The following CBLB variants were observed in gnomAD, a reference collection of about 807,000 sequenced individuals.
The protein encoded by CBLB is Cbl proto-oncogene B.
In CBLB, 31 loss-of-function variants were observed where a neutral mutation model predicts 104.9. The observed-to-expected ratio is 0.30, with a 90% confidence interval of 0.22 to 0.40. CBLB has a LOEUF of 0.40. CBLB is among the 10% of genes least tolerant of loss of function. CBLB has a pLI of 1.00. For missense variants in CBLB, 1,062 were observed against 1,214.6 expected, an observed-to-expected ratio of 0.87 and a Z score of 1.87; for synonymous variants, 440 against 422.6, an observed-to-expected ratio of 1.04 and a Z score of -0.51.
intron 9 of CBLB, among the ~76,000 whole-genome samples, chr3:105,732,867 C>T (rs528216771): frequency 6.6e-6 from 1 of 152,290 alleles, no homozygotes; most frequent in East Asian, 1.9e-4. Flanking sequence ...CTTTATGCTT[C>T]ACCGAAAATC....
rs181055757 is a variant in CBLB at position 105,658,337 on chromosome 3, C to G, written c.*633G>C. ...ATGCTTTATACATTCAGGTTTTTCCCATCTCTCAATAGTGATGGTTTCCAA... is the reference window on the plus strand; with the variant it reads ...ATGCTTTATACATTCAGGTTTTTCCGATCTCTCAATAGTGATGGTTTCCAA... On this transcript the variant is annotated 3_prime_UTR_variant, in exon 19 of 19. Coordinates refer to ENST00000394030, the MANE Select transcript of CBLB (RefSeq NM_170662.5). 4.5e-6 allele frequency: 1 copy of G among 221,836 alleles called. No homozygotes were observed. The highest frequency in any genetic ancestry group is 6.6e-5 in the East Asian group (1 of 15,138). The allele number at this position is 221,836 out of a possible 1,614,324, so 13.7% of individuals were successfully genotyped here. A position where few individuals can be genotyped will look rare whatever the true frequency, so the allele number is the denominator to read the frequency against.
chr3:105,676,134 C>CT (rs1474586285), intron 17 of CBLB, among the ~76,000 whole-genome samples: 1 of 151,700 alleles, frequency 6.6e-6, no homozygotes, highest in Non-Finnish European at 1.5e-5. Context: ...GCCTGACACT[C>CT]TAAGTTAAGG....
At chr3:105,803,612 A>G (rs2083156592) in intron 3 of CBLB, among the ~76,000 whole-genome samples, 1 of 152,326 alleles carries the variant, frequency 6.6e-6, no homozygotes, top group Admixed American at 6.5e-5. Flanking sequence ...CTCGAAATCT[A>G]TGAAGTAATA....
At chr3:105,724,630 T>C in intron 9 of CBLB, among the ~76,000 whole-genome samples, 1 of 152,106 alleles carries the variant, frequency 6.6e-6, no homozygotes, top group Non-Finnish European at 1.5e-5. Context: ...AGGAAACATA[T>C]CTTAACTTTT....
intron 3 of CBLB, among the ~76,000 whole-genome samples, chr3:105,806,696 T>C (rs2083552801): frequency 6.6e-6 from 1 of 152,102 alleles, no homozygotes; most frequent in Non-Finnish European, 1.5e-5. Context: ...AATACTACCC[T>C]GCAACAGGTT....
intron 12 of CBLB, among the ~76,000 whole-genome samples, chr3:105,696,327 G>A (rs2068383254): frequency 6.6e-6 from 1 of 151,702 alleles, no homozygotes; most frequent in African/African-American, 2.4e-5. Flanking sequence ...GGTGGCTAGA[G>A]GACAAGATTT....
At chr3:105,852,660 G>A (rs545293966) in intron 3 of CBLB, among the ~76,000 whole-genome samples, 8 of 92,768 alleles carry the variant, frequency 8.6e-5, no homozygotes, top group African/African-American at 1.9e-4. Flanking sequence ...TTCACTCACC[G>A]TTCACTCACT....
intron 2 of CBLB, among the ~76,000 whole-genome samples, chr3:105,863,413 C>T (rs1038518680): frequency 2.0e-5 from 3 of 152,140 alleles, no homozygotes; most frequent in Admixed American, 1.3e-4. Context: ...AAAGGAAATA[C>T]GTCAAGAAGT....
At position 105,815,561 on chromosome 3, in the gene CBLB, C is replaced by T. The variant is rs369284691; in HGVS notation, c.419+37853G>A. Among the ~76,000 whole-genome samples, 14 of 152,122 alleles carry T rather than the reference C, an allele frequency of 9.2e-5. No homozygotes were observed. The South Asian group carries it at 1.5e-3, about 16-fold the overall frequency. ...GTCAGGAAAAAACAGATGCTGGAGA[C>T]GATGTGGAAAAATAGGAATGCTTAC... On this transcript the variant is annotated intron_variant, in intron 3 of 18. Transcript: ENST00000394030.
intron 10 of CBLB, among the ~76,000 whole-genome samples, chr3:105,711,708 A>G (rs1449567999): frequency 1.3e-5 from 2 of 152,148 alleles, no homozygotes; most frequent in African/African-American, 2.4e-5. Context: ...ATGAAACAGG[A>G]AAGTCCTCTG....
chr3:105,842,279 C>T (rs1449591551), intron 3 of CBLB, among the ~76,000 whole-genome samples: 2 of 152,116 alleles, frequency 1.3e-5, no homozygotes, highest in African/African-American at 4.8e-5. Flanking sequence ...TCATTTTCCC[C>T]GACCAAATAT....
At chr3:105,701,335 T>C (rs963126105) in intron 12 of CBLB, among the ~76,000 whole-genome samples, 3 of 152,222 alleles carry the variant, frequency 2.0e-5, no homozygotes, top group Non-Finnish European at 2.9e-5. Flanking sequence ...TTTTTAAGTA[T>C]ATAGGAGGTT....
chr3:105,656,541 T>C lies in CBLB; in HGVS notation c.*2429A>G, dbSNP rs543288807. The C allele has an allele frequency of 1.0e-5, 2 of 191,516 alleles. No homozygotes were observed. Among genetic ancestry groups the C allele is most frequent in the East Asian group, 1.7e-4 (2 of 12,080 alleles). The allele number at this position is 191,516 out of a possible 1,614,324, so 11.9% of individuals were successfully genotyped here. A position where few individuals can be genotyped will look rare whatever the true frequency, so the allele number is the denominator to read the frequency against. On this transcript the variant is annotated 3_prime_UTR_variant, in exon 19 of 19. Coordinates refer to ENST00000394030, the MANE Select transcript of CBLB (RefSeq NM_170662.5). ...CATTCTTTTTAAATGACAATACTAA[T>C]GGTTGCTATTGAGTACAAGATGCAG...
chr3:105,834,430 G>A (rs920531701), intron 3 of CBLB, among the ~76,000 whole-genome samples: 9 of 152,138 alleles, frequency 5.9e-5, no homozygotes, highest in Non-Finnish European at 8.8e-5. Flanking sequence ...GCCGAGGCGG[G>A]TGGATCACGA....
intron 4 of CBLB, among the ~76,000 whole-genome samples, chr3:105,774,850 T>C (rs1451758980): frequency 6.6e-6 from 1 of 152,146 alleles, no homozygotes; most frequent in Non-Finnish European, 1.5e-5. Flanking sequence ...CAAAAAGAAA[T>C]ACCATAATCA....
intron 3 of CBLB, among the ~76,000 whole-genome samples, chr3:105,818,546 G>C (rs2085374298): frequency 6.6e-6 from 1 of 151,928 alleles, no homozygotes; most frequent in African/African-American, 2.4e-5. Context: ...ATGAAATTAA[G>C]GCAACTTAAT....
At chr3:105,782,166 A>C (rs961810019) in intron 3 of CBLB, among the ~76,000 whole-genome samples, 8 of 152,182 alleles carry the variant, frequency 5.3e-5, no homozygotes, top group African/African-American at 1.9e-4. Context: ...TCTTAAATAA[A>C]ACTGGATCCT....
chr3:105,736,077 T>C (rs1464332276), intron 8 of CBLB, among the ~76,000 whole-genome samples: 1 of 152,176 alleles, frequency 6.6e-6, no homozygotes, highest in African/African-American at 2.4e-5. Context: ...ATAAGGTAAA[T>C]TATTATCTAC....
At chr3:105,746,076 A>C (rs756285108) in intron 5 of CBLB, 38 bp from the exon 6 acceptor site, 1 of 1,352,410 alleles carries the variant, frequency 7.4e-7, no homozygotes, top group African/African-American at 1.5e-5. Flanking sequence ...TAGTATCTAG[A>C]GAATATCAAA....
Sources: gnomAD v4.1 joint callset for allele counts (sites outside exome capture counted in the v4.1 genomes callset) on GRCh38, gnomAD v4.1.1 for gene constraint, MANE v1.5 for transcripts, NCBI Gene and HGNC (gene_info 2026-07-23, HGNC 2026-07-21) for gene names.